Variants in GCN1 observed in about 807,000 individuals in gnomAD.
GCN1 encodes the protein GCN1 activator of EIF2AK4.
Under a neutral mutation model 288.4 loss-of-function variants are expected in GCN1, and 90 were observed. That is an observed-to-expected ratio of 0.31 (90% CI 0.26 to 0.37). GCN1 has a LOEUF of 0.37. Among genes scored for constraint, GCN1 ranks in the 10% least tolerant of loss-of-function variants. The pLI is 1.00. For missense variants in GCN1, 2,586 were observed against 3,419.9 expected (o/e 0.76, Z 6.08); for synonymous variants, 1,386 against 1,420.2 (o/e 0.98, Z 0.54).
chr12:120,159,960 C>T lies in GCN1; in HGVS notation c.2614G>A (p.Gly872Ser), dbSNP rs779173947. ...LDIILAKNPSGLTQYIPVLVD... is the reference protein window; with the variant it reads ...LDIILAKNPSSLTQYIPVLVD... ...AAAACAGGGATGTACTGGGTCAGGC[C>T]GGACGGGTTCTTGGCCAGGATGATG... The change falls in exon 24 of 58, where the codon GGC becomes AGC. Residue 872 changes from glycine to serine, a missense_variant. Gly to Ser is a moderately conservative substitution (Grantham distance 56). Transcript: ENST00000300648. The T allele has an allele frequency of 5.3e-5, 85 of 1,614,140 alleles. 1 individual carries two copies. The highest frequency in any genetic ancestry group is 1.1e-4 in the South Asian group (10 of 91,078).
intron 2 of GCN1, 51 bp downstream of exon 2, chr12:120,190,247 G>T (rs757492834): frequency 5.0e-4 from 379 of 752,670 alleles, no homozygotes; most frequent in Non-Finnish European, 7.3e-4. Context: ...AAAAAAGAAA[G>T]AAAGAAAAAC....
In GCN1 at chr12:120,142,922, G is replaced by C; in HGVS notation, c.5515C>G (p.Leu1839Val). 1.2e-6 allele frequency: 2 copies of C among 1,612,202 alleles called. No homozygotes were observed. Among genetic ancestry groups the C allele is most frequent in the Non-Finnish European group, 1.7e-6 (2 of 1,178,246 alleles). The change falls in exon 43 of 58, where the codon CTT (leucine) becomes GTT (valine). Residue 1839 changes from leucine to valine, a missense_variant. Physicochemically the swap from Leu to Val is conservative, Grantham distance 32. This residue lies in a region of GCN1 where 371 missense variants were observed against 572.6 expected (regional missense o/e 0.65). Transcript: ENST00000300648. The surrounding 1 kb of genome is among the most constrained non-coding windows in gnomAD (Gnocchi z 4.9). Reference sequence around the variant, plus strand: ...GAGATGTGAAACAGGAGATCCCCAAGGAGCTGAACAGAGCTGAACCTGAGA... The same window carrying C: ...GAGATGTGAAACAGGAGATCCCCAACGAGCTGAACAGAGCTGAACCTGAGA... ...WRIRFSSVQLLGDLLFHISGV... is the reference protein window; with the variant it reads ...WRIRFSSVQLVGDLLFHISGV...
chr12:120,176,418 C>T (rs1489022032), intron 9 of GCN1, among the ~76,000 whole-genome samples: 2 of 152,160 alleles, frequency 1.3e-5, no homozygotes, highest in Non-Finnish European at 2.9e-5. Flanking sequence ...TTTCCAACAT[C>T]CCACCAACAC....
chr12:120,129,210 A>G lies in GCN1; in HGVS notation c.7890+66T>C. 2.6e-6 allele frequency: 3 copies of G among 1,166,162 alleles called. No homozygotes were observed. The South Asian group carries it at 3.7e-5, about 14-fold the overall frequency. The allele number at this position is 1,166,162 out of a possible 1,614,324, so 72.2% of individuals were successfully genotyped here. On this transcript the variant is annotated intron_variant, in intron 57 of 57. Transcript: ENST00000300648. Reference sequence around the variant, plus strand: ...AAGAGCCTGTGGTTTAAATATTTCCATGCTGAAGAAGAGCTGAAAGACAAA... The same window carrying G: ...AAGAGCCTGTGGTTTAAATATTTCCGTGCTGAAGAAGAGCTGAAAGACAAA...
rs1876703710 is a variant in GCN1, at chr12:120,128,739, G to A, written c.7890+537C>T. Among the ~76,000 whole-genome samples, 3 of 151,790 alleles carry A rather than the reference G, an allele frequency of 2.0e-5. No individual in the cohort carries two copies. The South Asian group carries it at 6.3e-4, about 32-fold the overall frequency. ...TGGGATCTGCTATGTCTGTTTGGGT[G>A]TCATGTGAGATTTTATTTGAAGAAA... On this transcript the variant is annotated intron_variant, in intron 57 of 57. Transcript: ENST00000300648.
intron 24 of GCN1, among the ~76,000 whole-genome samples, chr12:120,159,094 G>A (rs1208391249): frequency 6.6e-6 from 1 of 152,138 alleles, no homozygotes; most frequent in Non-Finnish European, 1.5e-5. Flanking sequence ...AGCCTCAGAG[G>A]GCAGGTAGGC....
In GCN1 at chr12:120,168,273, A is replaced by C. The variant is rs1372928930; in HGVS notation, c.1547T>G (p.Leu516Trp). ...AACCTGCTTTTTCTCATCCACAATC[A>C]ACTGCCAGAAACTGCTCAGTTTGGC... ...AEAKLSSFWQ[L>W]IVDEKKQVFT... Residue 516 changes from leucine (L) to tryptophan (W), a missense_variant, in exon 16 of 58, where the codon TTG (leucine) becomes TGG (tryptophan). Transcript: ENST00000300648. The C allele has an allele frequency of 1.2e-6, 2 of 1,606,956 alleles. No homozygotes were observed. The highest frequency in any genetic ancestry group is 1.7e-6 in the Non-Finnish European group (2 of 1,173,566).
intron 2 of GCN1, among the ~76,000 whole-genome samples, chr12:120,185,159 G>A (rs1459169755): frequency 6.6e-6 from 1 of 152,228 alleles, no homozygotes; most frequent in African/African-American, 2.4e-5. Flanking sequence ...AGGTTCAGGA[G>A]TGCTGGAATG....
rs1877784492 is a variant in GCN1, at chr12:120,157,418, G to C, written c.3088-426C>G. Among the ~76,000 whole-genome samples, 7 of 152,262 alleles carry C rather than the reference G, an allele frequency of 4.6e-5. No individual in the cohort carries two copies. In the South Asian group the frequency reaches 1.5e-3, roughly 32 times the overall value. On this transcript the variant is annotated intron_variant, in intron 26 of 57. Coordinates refer to ENST00000300648, the MANE Select transcript of GCN1 (RefSeq NM_006836.2). Reference sequence around the variant, plus strand: ...ATGCCATATAATCTAGTAATTCCATGTCCAATGAACCTGTCCTAAAGAAAT... The same window carrying C: ...ATGCCATATAATCTAGTAATTCCATCTCCAATGAACCTGTCCTAAAGAAAT...
In GCN1 at chr12:120,134,767, G is replaced by C. The variant is rs1876943620; in HGVS notation, c.7009-41C>G. On this transcript the variant is annotated intron_variant, in intron 51 of 57. Transcript: ENST00000300648. The surrounding 1 kb of genome is among the most constrained non-coding windows in gnomAD (Gnocchi z 5.0). ...ACATCCATGAAAGACAGTTGTGGTA[G>C]ACCCAAAGCCACAGTGTACCACAGG... 1 of 1,549,162 alleles carries C rather than the reference G, an allele frequency of 6.5e-7. No individual in the cohort carries two copies. Among genetic ancestry groups the C allele is most frequent in the African/African-American group, 1.4e-5 (1 of 73,834 alleles).
intron 12 of GCN1, among the ~76,000 whole-genome samples, chr12:120,174,709 T>C (rs1317634788): frequency 6.8e-6 from 1 of 147,220 alleles, no homozygotes; most frequent in Non-Finnish European, 1.5e-5. Flanking sequence ...GAGGATTGCT[T>C]GAACCCGGGA....
intron 2 of GCN1, among the ~76,000 whole-genome samples, chr12:120,189,045 T>C (rs1290765416): frequency 2.0e-5 from 3 of 152,080 alleles, no homozygotes; most frequent in Non-Finnish European, 4.4e-5. Flanking sequence ...AGGCAGAAGT[T>C]GTGCAGGGAG....
Position 120,138,792 on chromosome 12 carries a change from T to G in GCN1, c.6059A>C (p.Glu2020Ala), listed in dbSNP as rs1427384530. Reference sequence around the variant, plus strand: ...AGTCTTGGCTGCCGCCTCTCTGACCTCCTCCAGTGGGTCACACAAAGCCTT... The same window carrying G: ...AGTCTTGGCTGCCGCCTCTCTGACCGCCTCCAGTGGGTCACACAAAGCCTT... ...ARKALCDPLE[E>A]VREAAAKTFE... The change falls in exon 46 of 58, where the codon GAG (glutamate) becomes GCG (alanine). Residue 2020 changes from glutamate to alanine, a missense_variant. Coordinates refer to ENST00000300648, the MANE Select transcript of GCN1 (RefSeq NM_006836.2). 1.2e-6 allele frequency: 2 copies of G among 1,613,986 alleles called. No individual in the cohort carries two copies. The highest frequency in any genetic ancestry group is 3.3e-5 in the Admixed American group (2 of 60,022).
intron 16 of GCN1, among the ~76,000 whole-genome samples, chr12:120,165,660 G>A (rs1485844891): frequency 6.6e-6 from 1 of 151,172 alleles, no homozygotes; most frequent in Non-Finnish European, 1.5e-5. Context: ...TTTTAGTAGA[G>A]ACGAGGTTTC....
At position 120,158,761 on chromosome 12, in the gene GCN1, C is replaced by G; in HGVS notation, c.2750-146G>C. 1.5e-6 allele frequency: 1 copy of G among 675,696 alleles called. No homozygotes were observed. Among genetic ancestry groups the G allele is most frequent in the South Asian group, 1.9e-5 (1 of 51,308 alleles). The allele number at this position is 675,696 out of a possible 1,614,324, so 41.9% of individuals were successfully genotyped here. A position where few individuals can be genotyped will look rare whatever the true frequency, so the allele number is the denominator to read the frequency against. On this transcript the variant is annotated intron_variant, in intron 24 of 57. Transcript: ENST00000300648. The surrounding 1 kb of genome is among the most constrained non-coding windows in gnomAD (Gnocchi z 4.3). Reference sequence around the variant, plus strand: ...GGCGCGGTGGCTGATGCCTGTAATCCCAGCACTTTGGGAGGCCGAGGCGGG... The same window carrying G: ...GGCGCGGTGGCTGATGCCTGTAATCGCAGCACTTTGGGAGGCCGAGGCGGG...
At chr12:120,161,722 C>T in intron 21 of GCN1, 139 bp from the exon 22 acceptor site, 1 of 905,816 alleles carries the variant, frequency 1.1e-6, no homozygotes, top group South Asian at 1.5e-5. Flanking sequence ...ACTTAAATAC[C>T]CAGGACCTAA....
At chr12:120,177,365 C>G (rs774547616) in intron 9 of GCN1, 82 bp downstream of exon 9, 7 of 719,860 alleles carry the variant, frequency 9.7e-6, no homozygotes, top group Admixed American at 2.2e-5. Context: ...CCCTACCACA[C>G]ACACTTCTTG....
chr12:120,155,741 C>A lies in GCN1; in HGVS notation c.3313-22G>T, dbSNP rs766234147. The A allele has an allele frequency of 9.9e-6, 16 of 1,613,272 alleles. No individual in the cohort carries two copies. Among genetic ancestry groups the A allele is most frequent in the Non-Finnish European group, 1.4e-5 (16 of 1,179,684 alleles). On this transcript the variant is annotated intron_variant, in intron 28 of 57. Coordinates refer to ENST00000300648, the MANE Select transcript of GCN1 (RefSeq NM_006836.2). This position sits in a 1 kb window ranked among gnomAD's most constrained non-coding sequence, Gnocchi z 4.9. ...GCCCCTGGAAGGGGTGGGATTGGAC[C>A]GTGTGAGGCATCATCTTTCAGAAGA...
intron 7 of GCN1, 62 bp from the exon 8 acceptor site, chr12:120,177,814 G>T (rs1878528421): frequency 8.2e-7 from 1 of 1,213,172 alleles, no homozygotes; most frequent in African/African-American, 1.5e-5. Context: ...ACTGGCCTAA[G>T]GGGTCCCTCT....
Sources: allele counts gnomAD v4.1 joint callset (sites outside exome capture counted in the v4.1 genomes callset), GRCh38; gene constraint gnomAD v4.1.1; regional missense constraint gnomAD v4.1.1; non-coding constraint Gnocchi (gnomAD v3.1); transcripts MANE v1.5; gene names NCBI Gene and HGNC (gene_info 2026-07-23, HGNC 2026-07-21).